RAPGEF2: variants seen among roughly 807,000 people sequenced by gnomAD.
RAPGEF2 encodes the protein Rap guanine nucleotide exchange factor 2, also known as PDZ domain containing guanine nucleotide exchange factor (GEF) 1.
Under a neutral mutation model 186.7 loss-of-function variants are expected in RAPGEF2, and 54 were observed. The ratio of observed to expected loss-of-function variants is 0.29; its 90% CI spans 0.23 to 0.36. RAPGEF2 has a LOEUF of 0.36. RAPGEF2 is among the 10% of genes least tolerant of loss of function. The pLI, the probability that RAPGEF2 is intolerant of heterozygous loss-of-function variation, is 1.00. For synonymous variants in RAPGEF2, 712 were observed against 705.9 expected (o/e 1.01, Z -0.14); for missense variants, 1,532 against 2,045.0 (o/e 0.75, Z 4.84).
intron 1 of RAPGEF2, among the ~76,000 whole-genome samples, chr4:159,141,175 C>T (rs1412259387): frequency 6.6e-6 from 1 of 152,180 alleles, no homozygotes; most frequent in Non-Finnish European, 1.5e-5. Flanking sequence ...AAGTCTTCCT[C>T]CTGTATACCA....
At chr4:159,273,636 T>TTCTTTC (rs1554023040) in intron 7 of RAPGEF2, among the ~76,000 whole-genome samples, 3 of 66,660 alleles carry the variant, frequency 4.5e-5, no homozygotes, top group East Asian at 8.0e-4. Context: ...GTTTCTTTCT[T>TTCTTTC]TCTTTCTTTC....
At chr4:159,281,687 A>AAAAG (rs1554025350) in intron 7 of RAPGEF2, among the ~76,000 whole-genome samples, 19 of 146,900 alleles carry the variant, frequency 1.3e-4, no homozygotes, top group African/African-American at 1.8e-4. Flanking sequence ...AAAAAAAAAA[A>AAAAG]AAAGAAAAGG....
At chr4:159,288,634 A>G (rs1241150618) in intron 7 of RAPGEF2, among the ~76,000 whole-genome samples, 1 of 152,086 alleles carries the variant, frequency 6.6e-6, no homozygotes, top group African/African-American at 2.4e-5. Flanking sequence ...TACAGAGCCT[A>G]CTTTTTGGTA....
At chr4:159,284,577 G>GC (rs1202938320) in intron 7 of RAPGEF2, among the ~76,000 whole-genome samples, 1 of 151,334 alleles carries the variant, frequency 6.6e-6, no homozygotes, top group Admixed American at 6.6e-5. Flanking sequence ...GATACGCAGT[G>GC]CCTGACTCCT....
intron 6 of RAPGEF2, among the ~76,000 whole-genome samples, chr4:159,241,672 T>G (rs1401546597): frequency 4.0e-5 from 6 of 151,768 alleles, no homozygotes; most frequent in African/African-American, 1.4e-4. Flanking sequence ...GCTCCTTTAT[T>G]TCTTAAGTTG....
chr4:159,121,287 A>G (rs1423197031), intron 1 of RAPGEF2, among the ~76,000 whole-genome samples: 1 of 152,140 alleles, frequency 6.6e-6, no homozygotes, highest in Admixed American at 6.5e-5. Flanking sequence ...TTGGAACAAC[A>G]TGGTTTTGAA....
At chr4:159,311,227 C>T (rs144752115) in intron 8 of RAPGEF2, among the ~76,000 whole-genome samples, 124 of 152,226 alleles carry the variant, frequency 8.1e-4, no homozygotes, top group African/African-American at 2.9e-3. Flanking sequence ...GTGCTAGACA[C>T]ATATGATAGT....
chr4:159,110,865 C>T (rs2111060953), intron 1 of RAPGEF2, among the ~76,000 whole-genome samples: 1 of 151,458 alleles, frequency 6.6e-6, no homozygotes, highest in East Asian at 1.9e-4. Context: ...ATCTGTAGTA[C>T]ATATAATTGA....
chr4:159,258,571 A>G (rs541701759), intron 7 of RAPGEF2, among the ~76,000 whole-genome samples: 2 of 152,350 alleles, frequency 1.3e-5, no homozygotes, highest in African/African-American at 2.4e-5. Flanking sequence ...TAGAAAGACT[A>G]TTAAACCATT....
At chr4:159,292,972 ATATAT>A (rs1425012048) in intron 7 of RAPGEF2, among the ~76,000 whole-genome samples, 33 of 152,154 alleles carry the variant, frequency 2.2e-4, no homozygotes, top group African/African-American at 8.0e-4. Context: ...ATTTTTCATA[ATATAT>A]TTAATGATTA....
chr4:159,304,477 A>G lies in RAPGEF2; in HGVS notation c.675+4A>G. The G allele has an allele frequency of 6.3e-7, 1 of 1,598,418 alleles. No homozygotes were observed. Among genetic ancestry groups the G allele is most frequent in the Non-Finnish European group, 8.6e-7 (1 of 1,168,516 alleles). ...CAGTCTTTCTGATATCTACCAGGTA[A>G]GAGGATGTTTTCCTTGTCATTTGCT... On this transcript the variant is annotated splice_donor_region_variant and intron_variant, in intron 8 of 29. Coordinates refer to ENST00000691494, the MANE Select transcript of RAPGEF2 (RefSeq NM_001394067.2).
intron 1 of RAPGEF2, among the ~76,000 whole-genome samples, chr4:159,142,764 A>T (rs140865989): frequency 4.6e-5 from 7 of 152,326 alleles, no homozygotes; most frequent in South Asian, 2.1e-4. Context: ...ACAAATATTT[A>T]TTGGATAGTT....
intron 11 of RAPGEF2, among the ~76,000 whole-genome samples, chr4:159,326,257 A>T (rs1263497502): frequency 6.6e-6 from 1 of 152,194 alleles, no homozygotes; most frequent in African/African-American, 2.4e-5. Context: ...ATGTTAGCTC[A>T]TCTCCTTGTT....
chr4:159,149,327 C>T (rs954688692), intron 1 of RAPGEF2, among the ~76,000 whole-genome samples: 2 of 152,152 alleles, frequency 1.3e-5, no homozygotes, highest in African/African-American at 4.8e-5. Flanking sequence ...GTGGCGTGAT[C>T]TTGGCTCATT....
At chr4:159,272,853 T>A (rs1302455655) in intron 7 of RAPGEF2, among the ~76,000 whole-genome samples, 1 of 152,212 alleles carries the variant, frequency 6.6e-6, no homozygotes, top group African/African-American at 2.4e-5. Context: ...TTAATGACTA[T>A]TTTGAAGATG....
At chr4:159,253,317 G>T (rs949715013) in intron 7 of RAPGEF2, among the ~76,000 whole-genome samples, 4 of 152,170 alleles carry the variant, frequency 2.6e-5, no homozygotes, top group Non-Finnish European at 4.4e-5. Flanking sequence ...ATTGCACAAT[G>T]AAAGGATCTT....
At chr4:159,188,076 C>T (rs1024606817) in intron 2 of RAPGEF2, among the ~76,000 whole-genome samples, 2 of 152,096 alleles carry the variant, frequency 1.3e-5, no homozygotes, top group African/African-American at 4.8e-5. Flanking sequence ...GAAGATGGCT[C>T]AAATTAGAGC....
rs184146847 is a variant in RAPGEF2, at chr4:159,251,679, A to G, written c.543+7888A>G. ...TGTCTAGCTAGAGGGTTGTAAATGC[A>G]CCAATCAGCACTCTGTGTCTAGCTC... On this transcript the variant is annotated intron_variant, in intron 7 of 29. Transcript: ENST00000691494. Among the ~76,000 whole-genome samples, 19 of 152,250 alleles carry G rather than the reference A, an allele frequency of 1.2e-4. No individual in the cohort carries two copies. The East Asian group carries it at 3.7e-3, about 29-fold the overall frequency.
In RAPGEF2 at chr4:159,147,421, G is replaced by A. The variant is rs955234511; in HGVS notation, c.70-39221G>A. Among the ~76,000 whole-genome samples the A allele has an allele frequency of 7.3e-5, 11 of 151,704 alleles. No homozygotes were observed. In the East Asian group the frequency reaches 2.1e-3, roughly 29 times the overall value. ...TGGAAAAGTTCGTAGAAAAAAGAGAGTAATACCCAGTTTTCCTAGGGCTTT... is the reference window on the plus strand; with the variant it reads ...TGGAAAAGTTCGTAGAAAAAAGAGAATAATACCCAGTTTTCCTAGGGCTTT... On this transcript the variant is annotated intron_variant, in intron 1 of 29. Transcript: ENST00000691494.
Sources: allele counts gnomAD v4.1 joint callset (sites outside exome capture counted in the v4.1 genomes callset), GRCh38; gene constraint gnomAD v4.1.1; transcripts MANE v1.5; gene names NCBI Gene and HGNC (gene_info 2026-07-23, HGNC 2026-07-21).